The following ABHD2 variants were observed in gnomAD, a reference collection of about 807,000 sequenced individuals.
ABHD2 encodes abhydrolase domain containing 2, acylglycerol lipase.
Under a neutral mutation model 48.1 loss-of-function variants are expected in ABHD2, and 20 were observed. That is an observed-to-expected ratio of 0.42 (90% CI 0.29 to 0.60). ABHD2 has a LOEUF of 0.60. Ranked by LOEUF, ABHD2 falls within the 20% of genes least tolerant of loss-of-function variation. The probability of loss-of-function intolerance (pLI) is 0.24; values close to 1 mark genes in which losing one functional copy is unlikely to be tolerated. For synonymous variants in ABHD2, 209 were observed against 214.2 expected (o/e 0.98, Z 0.21); for missense variants, 405 against 550.9 (o/e 0.74, Z 2.65).
intron 4 of ABHD2, among the ~76,000 whole-genome samples, chr15:89,152,426 G>A (rs1282693933): frequency 3.3e-5 from 5 of 152,152 alleles, no homozygotes; most frequent in East Asian, 1.9e-4. Context: ...CTTGATGTAC[G>A]GGGATGAGGG....
chr15:89,157,192 T>C (rs1448120478), intron 5 of ABHD2, among the ~76,000 whole-genome samples: 2 of 152,264 alleles, frequency 1.3e-5, no homozygotes, highest in East Asian at 3.8e-4. Context: ...ATAACAATGC[T>C]GTAAATACTG....
chr15:89,070,798 A>G, the ABHD2 span, among the ~76,000 whole-genome samples: 1 of 152,148 alleles, frequency 6.6e-6, no homozygotes, highest in Middle Eastern at 3.2e-3. Context: ...CACTGGGCTG[A>G]CATCATAAGG....
Position 89,130,650 on chromosome 15 carries a change from T to A in ABHD2, c.194+14129T>A, listed in dbSNP as rs8025713. Among the ~76,000 whole-genome samples, 445 of 152,316 alleles carry A rather than the reference T, an allele frequency of 2.9e-3. 3 individuals are homozygous for A. The highest frequency in any genetic ancestry group is 8.6e-3 in the African/African-American group (357 of 41,558). On this transcript the variant is annotated intron_variant, in intron 3 of 10. Transcript: ENST00000352732. ...AGGCAGGTTGGACAAGCTTGAGAGC[T>A]TGTCCAGCCCATAGCCCACAGACTG...
chr15:89,141,656 G>A (rs1022394981), intron 3 of ABHD2, among the ~76,000 whole-genome samples: 1 of 152,108 alleles, frequency 6.6e-6, no homozygotes. Flanking sequence ...GAGGGGAAGA[G>A]GGAGTTACTC....
At position 89,094,864 on chromosome 15, in the gene ABHD2, AC is replaced by A. The variant is rs914222128; in HGVS notation, c.-107+6303del. Among the ~76,000 whole-genome samples, 1 of 152,018 alleles carries A rather than the reference AC, an allele frequency of 6.6e-6. No homozygotes were observed. The highest frequency in any genetic ancestry group is 2.4e-5 in the African/African-American group (1 of 41,376). ...GATCACTTGAGACCAGGAGTTCGAG[AC>A]CAGCCTGGCCAACATGATGAAACCC... is the stretch of plus-strand genomic sequence containing the variant. On this transcript the variant is annotated intron_variant, in intron 1 of 10. Coordinates refer to ENST00000352732, the MANE Select transcript of ABHD2 (RefSeq NM_152924.5). This position sits in a 1 kb window ranked among gnomAD's most constrained non-coding sequence, Gnocchi z 4.7.
the ABHD2 span, among the ~76,000 whole-genome samples, chr15:89,058,931 C>G: frequency 6.6e-6 from 1 of 152,318 alleles, no homozygotes; most frequent in Non-Finnish European, 1.5e-5. Context: ...ATGGATAATT[C>G]CTGCCTTAAT....
At chr15:89,072,172 G>A in the ABHD2 span, among the ~76,000 whole-genome samples, 70 of 152,262 alleles carry the variant, frequency 4.6e-4, 2 homozygotes, top group East Asian at 6.8e-3. Context: ...GATATGTAAT[G>A]CAAATAAGAA....
the ABHD2 span, among the ~76,000 whole-genome samples, chr15:89,055,482 G>A: frequency 0.18 from 26,881 of 151,848 alleles, 2,529 homozygotes; most frequent in Admixed American, 0.19. Flanking sequence ...ATAGGCGAAT[G>A]CCATCATGCT....
At chr15:89,117,732 T>A (rs1279198689) in intron 3 of ABHD2, among the ~76,000 whole-genome samples, 1 of 152,190 alleles carries the variant, frequency 6.6e-6, no homozygotes, top group Non-Finnish European at 1.5e-5. Context: ...TCTCATCACC[T>A]CTTTTGGCTG....
intron 3 of ABHD2, among the ~76,000 whole-genome samples, chr15:89,147,116 ATATTTAAT>A (rs1216197554): frequency 6.6e-6 from 1 of 152,218 alleles, no homozygotes; most frequent in Non-Finnish European, 1.5e-5. Flanking sequence ...CCAAATCTAA[ATATTTAAT>A]TGAGAACTTG....
intron 1 of ABHD2, among the ~76,000 whole-genome samples, chr15:89,107,028 A>G (rs991560926): frequency 1.3e-5 from 2 of 152,166 alleles, no homozygotes; most frequent in Non-Finnish European, 2.9e-5. Flanking sequence ...TTGGGGGACA[A>G]AGTTTTATCT....
In ABHD2 at chr15:89,179,348, C is replaced by T. The variant is rs764884840; in HGVS notation, c.722+3353C>T. On this transcript the variant is annotated intron_variant, in intron 6 of 10. Coordinates refer to ENST00000352732, the MANE Select transcript of ABHD2 (RefSeq NM_152924.5). This position sits in a 1 kb window ranked among gnomAD's most constrained non-coding sequence, Gnocchi z 4.3. ...CTTCATCTGTATTTAGTCTCATTCC[C>T]CATTGATCACATTACTGCCTGAGTT... 5.3e-5 allele frequency among the ~76,000 whole-genome samples: 8 copies of T among 152,178 alleles called. No individual in the cohort carries two copies. The highest frequency in any genetic ancestry group is 1.0e-4 in the Non-Finnish European group (7 of 68,028).
rs1433596540 is a variant in ABHD2, at chr15:89,137,522, C to T, written c.195-14155C>T. Reference sequence around the variant, plus strand: ...TGTACCAGCCTGGCCCAGTGGCCTCCGTCCTGTATTTAGAAACCAGTTCGG... The same window carrying T: ...TGTACCAGCCTGGCCCAGTGGCCTCTGTCCTGTATTTAGAAACCAGTTCGG... On this transcript the variant is annotated intron_variant, in intron 3 of 10. Transcript: ENST00000352732. The surrounding 1 kb of genome is among the most constrained non-coding windows in gnomAD (Gnocchi z 4.8). Among the ~76,000 whole-genome samples, 7 of 152,166 alleles carry T rather than the reference C, an allele frequency of 4.6e-5. No homozygotes were observed. In the East Asian group the frequency reaches 5.8e-4, roughly 13 times the overall value.
intron 1 of ABHD2, among the ~76,000 whole-genome samples, chr15:89,096,623 G>A (rs2049617693): frequency 6.6e-6 from 1 of 152,172 alleles, no homozygotes; most frequent in South Asian, 2.1e-4. Context: ...TATTAGCTGA[G>A]TTGAAGAGTT....
intron 3 of ABHD2, among the ~76,000 whole-genome samples, chr15:89,131,332 C>T (rs1567081898): frequency 6.6e-6 from 1 of 152,252 alleles, no homozygotes; most frequent in African/African-American, 2.4e-5. Context: ...GGAATCCCTT[C>T]ATACCTCCAC....
intron 3 of ABHD2, among the ~76,000 whole-genome samples, chr15:89,144,895 T>A (rs968798870): frequency 6.6e-6 from 1 of 152,244 alleles, no homozygotes; most frequent in African/African-American, 2.4e-5. Context: ...TACTGTGCTT[T>A]AAGACCAGTA....
Position 89,127,726 on chromosome 15 carries a change from T to TATATATATATATATATATATATATAC in ABHD2, c.194+11219_194+11220insATATATATATACATATATATATATAT, listed in dbSNP as rs1567080111. On this transcript the variant is annotated intron_variant, in intron 3 of 10. Transcript: ENST00000352732. ...ATATACATATATATATATACACATA[T>TATATATATATATATATATATATATAC]ATATATATATATATGTATATTTTAA... Among the ~76,000 whole-genome samples the TATATATATATATATATATATATATAC allele has an allele frequency of 2.2e-3, 305 of 141,838 alleles. 4 individuals carry two copies. The highest frequency in any genetic ancestry group is 7.9e-3 in the African/African-American group (287 of 36,232). 93.1% of individuals were successfully genotyped at this position (141,838 alleles called of 152,430 possible). A position where few individuals can be genotyped will look rare whatever the true frequency, so the allele number is the denominator to read the frequency against.
chr15:89,193,759 G>A (rs7179015), intron 10 of ABHD2, among the ~76,000 whole-genome samples: 1,946 of 152,178 alleles, frequency 0.013, 45 homozygotes, highest in African/African-American at 0.044. Context: ...ACAGGAGCCT[G>A]GGCAATATAG....
At chr15:89,090,089 G>A (rs540542179) in intron 1 of ABHD2, among the ~76,000 whole-genome samples, 2 of 152,234 alleles carry the variant, frequency 1.3e-5, no homozygotes, top group South Asian at 4.1e-4. Flanking sequence ...GCCAGTGCAT[G>A]ACTTATTTCA....
Sources: gnomAD v4.1 joint callset for allele counts (sites outside exome capture counted in the v4.1 genomes callset) on GRCh38, gnomAD v4.1.1 for gene constraint, Gnocchi (gnomAD v3.1) non-coding constraint, MANE v1.5 for transcripts, NCBI Gene and HGNC (gene_info 2026-07-23, HGNC 2026-07-21) for gene names.